Variants in DMD observed in about 807,000 individuals in gnomAD.
DMD encodes the protein dystrophin.
Under a neutral mutation model 330.1 loss-of-function variants are expected in DMD, and 63 were observed. That is an observed-to-expected ratio of 0.19 (90% CI 0.16 to 0.24). DMD has a LOEUF of 0.24. Among genes scored for constraint, DMD ranks in the 10% least tolerant of loss-of-function variants. The pLI is 1.00. For missense variants in DMD, 3,344 were observed against 2,684.1 expected (o/e 1.25, Z -5.43); for synonymous variants, 1,223 against 959.8 (o/e 1.27, Z -5.07).
At chrX:33,064,308 T>C (rs1367049222) in intron 1 of DMD, among the ~76,000 whole-genome samples, 8 of 111,419 alleles carry the variant, frequency 7.2e-5, no homozygotes, top group Non-Finnish European at 1.3e-4. Context: ...AATAAACATT[T>C]TCTATTATTG....
chrX:31,372,409 T>C (rs1349468955), intron 60 of DMD, among the ~76,000 whole-genome samples: 1 of 111,782 alleles, frequency 8.9e-6, no homozygotes, highest in Non-Finnish European at 1.9e-5. Flanking sequence ...GAAAGATGAA[T>C]TGAAGGACAT....
intron 43 of DMD, among the ~76,000 whole-genome samples, chrX:32,265,039 C>T (rs967456346): frequency 2.7e-5 from 3 of 112,413 alleles, no homozygotes; most frequent in East Asian, 2.8e-4. Flanking sequence ...GCATATGTAA[C>T]GAGGAGCCAA....
intron 62 of DMD, among the ~76,000 whole-genome samples, chrX:31,277,027 T>A (rs1334160743): frequency 9.0e-6 from 1 of 111,521 alleles, no homozygotes; most frequent in Non-Finnish European, 1.9e-5. Context: ...CTGAACTGTA[T>A]AAGTTTAAGC....
chrX:31,623,541 C>T (rs1269905075), intron 55 of DMD, among the ~76,000 whole-genome samples: 2 of 112,081 alleles, frequency 1.8e-5, no homozygotes, highest in East Asian at 2.8e-4. Context: ...GGATTACAGG[C>T]GTGAGCCACC....
chrX:32,100,486 G>A (rs953720684), intron 44 of DMD, among the ~76,000 whole-genome samples: 1 of 109,383 alleles, frequency 9.1e-6, no homozygotes, highest in South Asian at 3.9e-4. Context: ...GTATTAACAC[G>A]TGTTTTCATC....
At chrX:32,057,786 G>A (rs1390692623) in intron 44 of DMD, among the ~76,000 whole-genome samples, 1 of 111,149 alleles carries the variant, frequency 9.0e-6, no homozygotes, top group Non-Finnish European at 1.9e-5. Flanking sequence ...AGCCAAAACA[G>A]TCTTGAGGAA....
intron 64 of DMD, among the ~76,000 whole-genome samples, chrX:31,214,489 C>G (rs2045119486): frequency 8.9e-6 from 1 of 111,881 alleles, no homozygotes; most frequent in African/African-American, 3.3e-5. Context: ...ATACACCTAA[C>G]TAACTGAAAC....
chrX:32,748,658 AG>A (rs1466811867), intron 7 of DMD, among the ~76,000 whole-genome samples: 1 of 112,268 alleles, frequency 8.9e-6, no homozygotes, highest in East Asian at 2.8e-4. Context: ...TAAGTCAGTA[AG>A]TATATCAACA....
chrX:31,467,088 T>C (rs1484222240), intron 59 of DMD, among the ~76,000 whole-genome samples: 3 of 112,082 alleles, frequency 2.7e-5, no homozygotes, highest in Non-Finnish European at 5.6e-5. Context: ...GTTTTCTAAA[T>C]ATACAATCAT....
intron 1 of DMD, among the ~76,000 whole-genome samples, chrX:33,280,721 T>C (rs750839990): frequency 2.7e-5 from 3 of 112,073 alleles, no homozygotes; most frequent in South Asian, 3.7e-4. Context: ...TACTTTAAGC[T>C]GTAAAAATAA....
At chrX:31,524,584 T>C in intron 55 of DMD, among the ~76,000 whole-genome samples, 1 of 111,779 alleles carries the variant, frequency 8.9e-6, no homozygotes, top group Non-Finnish European at 1.9e-5. Context: ...TTGAGGCTAA[T>C]GGCTTCATTA....
chrX:32,448,545 G>C lies in DMD; in HGVS notation c.3697C>G (p.Gln1233Glu), dbSNP rs1339088514. The C allele has an allele frequency of 8.3e-7, 1 of 1,208,386 alleles. No individual in the cohort carries two copies. The highest frequency in any genetic ancestry group is 2.2e-5 in the Admixed American group (1 of 45,855). Residue 1233 changes from glutamine to glutamate, a missense_variant, in exon 27 of 79, where the codon CAA becomes GAA. Gln to Glu is a conservative substitution (Grantham distance 29, BLOSUM62 2). Coordinates refer to ENST00000357033, the MANE Select transcript of DMD (RefSeq NM_004006.3). ...SVIAQAPPVA[Q>E]EALKKELETL... is the part of the protein sequence containing the mutation. ...TCAAGTTCCTTTTTTAAGGCCTCTTGTGCTACAGGTGGAGCTTGAGCTATG... is the reference window on the plus strand; with the variant it reads ...TCAAGTTCCTTTTTTAAGGCCTCTTCTGCTACAGGTGGAGCTTGAGCTATG...
intron 2 of DMD, among the ~76,000 whole-genome samples, chrX:32,904,696 C>T (rs778435322): frequency 8.0e-5 from 9 of 112,177 alleles, no homozygotes; most frequent in African/African-American, 2.9e-4. Flanking sequence ...GCCTCAGCCT[C>T]CCAAGTAGCT....
At chrX:32,299,515 AT>A (rs5902024) in intron 42 of DMD, among the ~76,000 whole-genome samples, 121 of 100,530 alleles carry the variant, frequency 1.2e-3, no homozygotes, top group East Asian at 5.0e-3. Context: ...TTCTGATACA[AT>A]TTTTTTTTTT....
chrX:32,333,528 A>G (rs1220200864), intron 41 of DMD, among the ~76,000 whole-genome samples: 1 of 111,106 alleles, frequency 9.0e-6, no homozygotes, highest in East Asian at 2.8e-4. Context: ...CTTTTTTTGG[A>G]TTCATCAGAT....
intron 28 of DMD, among the ~76,000 whole-genome samples, chrX:32,440,440 T>C (rs753521712): frequency 1.8e-5 from 2 of 111,756 alleles, no homozygotes; most frequent in African/African-American, 6.5e-5. Flanking sequence ...TTACATTTTC[T>C]TCACATCTTG....
intron 44 of DMD, among the ~76,000 whole-genome samples, chrX:32,166,351 G>A (rs1042375154): frequency 9.0e-6 from 1 of 110,670 alleles, no homozygotes; most frequent in Non-Finnish European, 1.9e-5. Context: ...TGGCTACTTG[G>A]GAGGCTGATG....
intron 1 of DMD, among the ~76,000 whole-genome samples, chrX:33,267,313 T>C (rs987421058): frequency 9.9e-5 from 11 of 110,864 alleles, no homozygotes; most frequent in Non-Finnish European, 2.1e-4. Flanking sequence ...ACCAAGATGC[T>C]GAAAGATCTC....
chrX:32,340,586 T>C (rs981998207), intron 41 of DMD, among the ~76,000 whole-genome samples: 1 of 111,703 alleles, frequency 9.0e-6, no homozygotes, highest in African/African-American at 3.3e-5. Flanking sequence ...TAAACCTGCA[T>C]ATTGGGTGTG....
Sources: gnomAD v4.1 joint callset for allele counts (sites outside exome capture counted in the v4.1 genomes callset) on GRCh38, gnomAD v4.1.1 for gene constraint, MANE v1.5 for transcripts, NCBI Gene and HGNC (gene_info 2026-07-23, HGNC 2026-07-21) for gene names.